The following SOBP variants were observed in gnomAD, a reference collection of about 807,000 sequenced individuals.
The protein encoded by SOBP is sine oculis-binding protein homolog.
SOBP carries 4 observed loss-of-function variants against 53.6 expected under a neutral mutation model. The observed-to-expected ratio is 0.07, with a 90% confidence interval of 0.04 to 0.17. The LOEUF (loss-of-function observed/expected upper bound fraction) is 0.17, where lower values mean the gene tolerates loss of function less well. Among genes scored for constraint, SOBP ranks in the 10% least tolerant of loss-of-function variants. SOBP has a pLI of 1.00. For synonymous variants in SOBP, 584 were observed against 522.6 expected (o/e 1.12, Z -1.60); for missense variants, 1,088 against 1,204.7 (o/e 0.90, Z 1.43).
intron 4 of SOBP, among the ~76,000 whole-genome samples, chr6:107,544,784 C>T (rs529843921): frequency 1.1e-4 from 16 of 149,176 alleles, no homozygotes; most frequent in African/African-American, 3.8e-4. Context: ...GAATGATAAC[C>T]CCATTTATCC....
chr6:107,551,115 C>T (rs756629126), intron 4 of SOBP, among the ~76,000 whole-genome samples: 2 of 152,178 alleles, frequency 1.3e-5, no homozygotes, highest in Non-Finnish European at 2.9e-5. Flanking sequence ...CATCCTCCTC[C>T]TACGGCCGAG....
intron 3 of SOBP, among the ~76,000 whole-genome samples, chr6:107,513,280 G>A (rs1040508290): frequency 1.1e-4 from 17 of 152,088 alleles, no homozygotes; most frequent in African/African-American, 3.6e-4. Context: ...TTATAGTCAG[G>A]GAAATATGAT....
At chr6:107,529,043 T>C (rs1046860510) in intron 3 of SOBP, among the ~76,000 whole-genome samples, 1 of 152,366 alleles carries the variant, frequency 6.6e-6, no homozygotes, top group Admixed American at 6.5e-5. Context: ...TGCGAAGTAC[T>C]GCTATCATTA....
chr6:107,494,768 G>A (rs545840564), intron 1 of SOBP, among the ~76,000 whole-genome samples: 11 of 152,138 alleles, frequency 7.2e-5, no homozygotes, highest in Non-Finnish European at 1.5e-4. Context: ...CTAAAATTAC[G>A]CTTCAGTCCT....
intron 5 of SOBP, among the ~76,000 whole-genome samples, chr6:107,591,457 AG>A (rs1477107560): frequency 6.6e-6 from 1 of 152,196 alleles, no homozygotes; most frequent in African/African-American, 2.4e-5. Context: ...AAACTTAATA[AG>A]GGAAGATACC....
At chr6:107,598,731 G>A (rs1786040030) in intron 5 of SOBP, among the ~76,000 whole-genome samples, 1 of 152,190 alleles carries the variant, frequency 6.6e-6, no homozygotes, top group Non-Finnish European at 1.5e-5. Context: ...GGCACCCTGT[G>A]ATGAGGACAA....
At chr6:107,549,478 G>A (rs1011645977) in intron 4 of SOBP, among the ~76,000 whole-genome samples, 3 of 151,848 alleles carry the variant, frequency 2.0e-5, no homozygotes, top group African/African-American at 7.3e-5. Flanking sequence ...GCCTTATGGG[G>A]TTTCATTTAG....
intron 5 of SOBP, among the ~76,000 whole-genome samples, chr6:107,612,444 TAGAC>T (rs1786633259): frequency 6.6e-6 from 1 of 152,196 alleles, no homozygotes; most frequent in South Asian, 2.1e-4. Context: ...CTCCTCTTTG[TAGAC>T]TTAGAGCAGC....
At chr6:107,621,465 G>A (rs1770171290) in intron 5 of SOBP, among the ~76,000 whole-genome samples, 1 of 152,102 alleles carries the variant, frequency 6.6e-6, no homozygotes, top group African/African-American at 2.4e-5. Context: ...CAGAGACAAA[G>A]GAACCAGTGT....
At chr6:107,571,721 C>A (rs1040368179) in intron 4 of SOBP, among the ~76,000 whole-genome samples, 31 of 152,294 alleles carry the variant, frequency 2.0e-4, no homozygotes, top group African/African-American at 6.7e-4. Context: ...TGTCATTTTT[C>A]ATTTTAACCT....
chr6:107,581,653 T>C (rs1034779611), intron 4 of SOBP, among the ~76,000 whole-genome samples: 1 of 152,204 alleles, frequency 6.6e-6, no homozygotes, highest in Non-Finnish European at 1.5e-5. Flanking sequence ...AACGTGTGGA[T>C]GCATTTGAGA....
intron 5 of SOBP, among the ~76,000 whole-genome samples, chr6:107,601,725 G>A (rs1258219056): frequency 6.6e-6 from 1 of 152,128 alleles, no homozygotes; most frequent in Non-Finnish European, 1.5e-5. Context: ...TGACCACATA[G>A]AATAATCATA....
At chr6:107,555,182 G>A (rs1339411947) in intron 4 of SOBP, among the ~76,000 whole-genome samples, 1 of 145,582 alleles carries the variant, frequency 6.9e-6, no homozygotes, top group African/African-American at 2.6e-5. Context: ...GGAGGAGATG[G>A]CATTGTAAGA....
chr6:107,602,539 T>C (rs1412681723), intron 5 of SOBP, among the ~76,000 whole-genome samples: 2 of 127,788 alleles, frequency 1.6e-5, no homozygotes, highest in Non-Finnish European at 3.1e-5. Context: ...GCAGGAGCGC[T>C]AAGCCTCTGC....
At chr6:107,534,332 A>T (rs377473171) in intron 4 of SOBP, among the ~76,000 whole-genome samples, 32 of 152,366 alleles carry the variant, frequency 2.1e-4, no homozygotes, top group Middle Eastern at 3.4e-3. Context: ...TTTTACAATC[A>T]CACGCACATG....
intron 6 of SOBP, among the ~76,000 whole-genome samples, chr6:107,642,105 T>C (rs1048039328): frequency 1.3e-5 from 2 of 152,226 alleles, no homozygotes; most frequent in African/African-American, 4.8e-5. Flanking sequence ...AAATTAGCTT[T>C]AGAAAATAAA....
At chr6:107,548,051 C>T (rs1181028926) in intron 4 of SOBP, among the ~76,000 whole-genome samples, 2 of 152,054 alleles carry the variant, frequency 1.3e-5, no homozygotes, top group Non-Finnish European at 2.9e-5. Flanking sequence ...AAAGTGGTAC[C>T]ATTGAGAGTT....
chr6:107,637,844 A>C (rs1771117484), intron 6 of SOBP, among the ~76,000 whole-genome samples: 1 of 152,232 alleles, frequency 6.6e-6, no homozygotes, highest in African/African-American at 2.4e-5. Flanking sequence ...ATGTTTCTGA[A>C]TAAAGAATCA....
intron 5 of SOBP, among the ~76,000 whole-genome samples, chr6:107,590,223 AAGACCTTGC>A (rs1785699657): frequency 6.6e-6 from 1 of 152,186 alleles, no homozygotes; most frequent in Non-Finnish European, 1.5e-5. Context: ...CACTGAGAGT[AAGACCTTGC>A]AGAAATATAG....
Sources: allele counts gnomAD v4.1 joint callset (sites outside exome capture counted in the v4.1 genomes callset), GRCh38; gene constraint gnomAD v4.1.1; transcripts MANE v1.5; gene names NCBI Gene and HGNC (gene_info 2026-07-23, HGNC 2026-07-21).